The following PHF20 variants were observed in gnomAD, a reference collection of about 807,000 sequenced individuals.
PHF20 encodes the protein PHD finger protein 20.
PHF20 carries 23 observed loss-of-function variants against 113.5 expected under a neutral mutation model. The ratio of observed to expected loss-of-function variants is 0.20; its 90% confidence interval spans 0.15 to 0.29. The LOEUF (loss-of-function observed/expected upper bound fraction) is 0.29, where lower values mean the gene tolerates loss of function less well. PHF20 is among the 10% of genes least tolerant of loss of function. PHF20 has a pLI of 1.00. For synonymous variants in PHF20, 434 were observed against 457.3 expected, an observed-to-expected ratio of 0.95 and a Z score of 0.65; for missense variants, 943 against 1,219.6, an observed-to-expected ratio of 0.77 and a Z score of 3.38.
At chr20:35,901,779 A>G (rs1000367163) in intron 10 of PHF20, among the ~76,000 whole-genome samples, 7 of 152,166 alleles carry the variant, frequency 4.6e-5, no homozygotes, top group African/African-American at 1.4e-4. Flanking sequence ...GCTAAATAAT[A>G]TGTAAGGACA....
At chr20:35,934,438 C>T (rs1344493931) in intron 15 of PHF20, among the ~76,000 whole-genome samples, 1 of 152,248 alleles carries the variant, frequency 6.6e-6, no homozygotes, top group Non-Finnish European at 1.5e-5. Flanking sequence ...CTCCAGGATT[C>T]CATCCGTTGG....
Position 35,904,595 on chromosome 20 carries a change from C to T in PHF20, c.1561+4947C>T, listed in dbSNP as rs991362975. Among the ~76,000 whole-genome samples the T allele has an allele frequency of 2.8e-4, 42 of 151,952 alleles. 1 individual carries two copies. The highest frequency in any genetic ancestry group is 1.8e-4 in the Non-Finnish European group (12 of 67,994). ...GGCTTCCAGCAAAACCACTGGGACTCGAAAGTACCCTGCAGAGATTTCTTG... is the reference window on the plus strand; with the variant it reads ...GGCTTCCAGCAAAACCACTGGGACTTGAAAGTACCCTGCAGAGATTTCTTG... On this transcript the variant is annotated intron_variant, in intron 10 of 17. Coordinates refer to ENST00000374012, the MANE Select transcript of PHF20 (RefSeq NM_016436.5).
At chr20:35,851,136 C>T (rs1482158002) in intron 4 of PHF20, among the ~76,000 whole-genome samples, 1 of 152,146 alleles carries the variant, frequency 6.6e-6, no homozygotes, top group Non-Finnish European at 1.5e-5. Flanking sequence ...TACAACTCTG[C>T]TCTGTAAGTG....
At chr20:35,816,938 G>A (rs1464215963) in intron 2 of PHF20, among the ~76,000 whole-genome samples, 17 of 150,750 alleles carry the variant, frequency 1.1e-4, no homozygotes, top group Admixed American at 1.1e-3. Flanking sequence ...TTACAGGCGT[G>A]CACCACTACG....
Position 35,903,516 on chromosome 20 carries a change from C to T in PHF20, c.1561+3868C>T, listed in dbSNP as rs145367783. 5.3e-3 allele frequency among the ~76,000 whole-genome samples: 809 copies of T among 152,228 alleles called. 9 individuals are homozygous for T. Among genetic ancestry groups the T allele is most frequent in the African/African-American group, 0.019 (776 of 41,532 alleles). On this transcript the variant is annotated intron_variant, in intron 10 of 17. Transcript: ENST00000374012. The stretch of plus-strand genomic sequence containing the variant: ...CAGTCTGATCATTTCTGTACCCTCT[C>T]AGTGAGGGCAGGATTTGTGCAGCCA...
intron 3 of PHF20, among the ~76,000 whole-genome samples, chr20:35,846,955 A>C (rs1258009965): frequency 6.6e-6 from 1 of 152,136 alleles, no homozygotes; most frequent in Non-Finnish European, 1.5e-5. Flanking sequence ...AAGGGAGACA[A>C]GTGTGAAGAG....
intron 1 of PHF20, among the ~76,000 whole-genome samples, chr20:35,784,893 A>G (rs2041377715): frequency 6.6e-6 from 1 of 152,054 alleles, no homozygotes; most frequent in African/African-American, 2.4e-5. Flanking sequence ...TCTATAAAAA[A>G]TACAAAAATG....
intron 10 of PHF20, 104 bp from the exon 11 acceptor site, chr20:35,913,145 C>G: frequency 1.5e-6 from 1 of 656,564 alleles, no homozygotes; most frequent in Non-Finnish European, 2.6e-6. Context: ...TCCAGACTTC[C>G]CAGGCAGAGC....
chr20:35,798,447 T>A (rs1019390629), intron 1 of PHF20, among the ~76,000 whole-genome samples: 20 of 137,814 alleles, frequency 1.5e-4, no homozygotes, highest in Admixed American at 7.0e-5. Flanking sequence ...AGTTTTTTTC[T>A]TTTCTTTTCT....
chr20:35,845,940 T>C (rs1035386396), intron 3 of PHF20, among the ~76,000 whole-genome samples: 1 of 152,054 alleles, frequency 6.6e-6, no homozygotes, highest in Admixed American at 6.5e-5. Context: ...CACACCTGGC[T>C]AATGTTTGTA....
chr20:35,883,547 TC>T (rs112095391), intron 9 of PHF20, among the ~76,000 whole-genome samples: 7,397 of 152,246 alleles, frequency 0.049, 232 homozygotes, highest in African/African-American at 0.099. Flanking sequence ...TCAGTGATCC[TC>T]CCCACTGTTC....
chr20:35,888,394 C>G (rs574315034), intron 9 of PHF20, among the ~76,000 whole-genome samples: 1 of 152,144 alleles, frequency 6.6e-6, no homozygotes, highest in Non-Finnish European at 1.5e-5. Context: ...AGATTTTGAG[C>G]CTGGATGCCC....
intron 15 of PHF20, among the ~76,000 whole-genome samples, chr20:35,934,425 TTTC>T (rs2147119867): frequency 6.6e-6 from 1 of 152,368 alleles, no homozygotes; most frequent in African/African-American, 2.4e-5. Flanking sequence ...GTAGGAGACC[TTTC>T]TCCAGGATTC....
intron 1 of PHF20, among the ~76,000 whole-genome samples, chr20:35,800,562 G>A (rs934134907): frequency 1.3e-5 from 2 of 152,168 alleles, no homozygotes; most frequent in African/African-American, 4.8e-5. Context: ...CTTGAGGTCA[G>A]GTGTTTGATA....
intron 15 of PHF20, 64 bp downstream of exon 15, chr20:35,931,508 C>A: frequency 7.8e-7 from 1 of 1,289,366 alleles, no homozygotes; most frequent in Non-Finnish European, 1.1e-6. Context: ...CTGAGTAAAT[C>A]TGAGAAATTG....
chr20:35,823,174 G>T (rs1272617773), intron 2 of PHF20, among the ~76,000 whole-genome samples: 2 of 152,010 alleles, frequency 1.3e-5, no homozygotes, highest in African/African-American at 4.8e-5. Context: ...TTCATAAAAA[G>T]ACAACTTGAT....
At chr20:35,944,327 C>T (rs1323371163) in intron 17 of PHF20, among the ~76,000 whole-genome samples, 1 of 152,212 alleles carries the variant, frequency 6.6e-6, no homozygotes, top group Non-Finnish European at 1.5e-5. Context: ...TCAGGCACTA[C>T]TGAGTGGCTT....
chr20:35,785,240 CA>C (rs1350229705), intron 1 of PHF20, among the ~76,000 whole-genome samples: 1 of 152,012 alleles, frequency 6.6e-6, no homozygotes, highest in East Asian at 1.9e-4. Context: ...GGTGATAAAT[CA>C]GTAAATGTTG....
chr20:35,825,806 A>G (rs149246487), intron 2 of PHF20, among the ~76,000 whole-genome samples: 91 of 152,236 alleles, frequency 6.0e-4, no homozygotes, highest in African/African-American at 2.0e-3. Context: ...GGCATGCACT[A>G]TAGCACCCAG....
Sources: allele counts gnomAD v4.1 joint callset (sites outside exome capture counted in the v4.1 genomes callset), GRCh38; gene constraint gnomAD v4.1.1; transcripts MANE v1.5; gene names NCBI Gene and HGNC (gene_info 2026-07-23, HGNC 2026-07-21).